The following BIRC3 variants were observed in gnomAD, a reference collection of about 807,000 sequenced individuals.
BIRC3 encodes baculoviral IAP repeat-containing protein 3.
In BIRC3, 26 loss-of-function variants were observed where a neutral mutation model predicts 59.0. The ratio of observed to expected loss-of-function variants is 0.44; its 90% confidence interval spans 0.32 to 0.61. The LOEUF is 0.61. BIRC3 is among the 20% of genes least tolerant of loss of function. The probability of loss-of-function intolerance (pLI) is 0.04; values close to 1 mark genes in which losing one functional copy is unlikely to be tolerated. For missense variants in BIRC3, 641 were observed against 711.5 expected (o/e 0.90, Z 1.13); for synonymous variants, 243 against 249.2 (o/e 0.98, Z 0.24).
In BIRC3 at chr11:102,323,486, A is replaced by G. The variant is rs190101178; in HGVS notation, c.-1024A>G. ...CTTCAACAGCATGAAACTGAGTCCAAAAGACCAAATGAACAAACACATTAA... is the reference window on the plus strand; with the variant it reads ...CTTCAACAGCATGAAACTGAGTCCAGAAGACCAAATGAACAAACACATTAA... On this transcript the variant is annotated 5_prime_UTR_variant, in exon 2 of 9. Transcript: ENST00000263464. 3.9e-3 allele frequency: 736 copies of G among 188,606 alleles called. 6 individuals are homozygous for G. Among genetic ancestry groups the G allele is most frequent in the Non-Finnish European group, 3.8e-3 (343 of 89,568 alleles). 11.7% of individuals were successfully genotyped at this position (188,606 alleles called of 1,614,324 possible).
At chr11:102,320,021 G>C (rs117083530) in intron 1 of BIRC3, 30 of 151,818 alleles carry the variant, frequency 2.0e-4, no homozygotes, top group African/African-American at 7.0e-4. Context: ...GTGCCACCAC[G>C]CCCGATGGTT....
intron 3 of BIRC3, 145 bp from the exon 4 acceptor site, chr11:102,327,907 A>G: frequency 1.7e-6 from 1 of 599,674 alleles, no homozygotes; most frequent in Non-Finnish European, 2.8e-6. Flanking sequence ...AGTTTAGAAT[A>G]AATGATCTTA....
In BIRC3 at chr11:102,324,795, G is replaced by C; in HGVS notation, c.286G>C (p.Val96Leu). ...AAAGTTGTATCCTAGCTGCAGATTC[G>C]TTCAGAGTCTAAATTCCGTTAACAA... Reference protein sequence around the residue: ...HKKLYPSCRFVQSLNSVNNLE... With the variant: ...HKKLYPSCRFLQSLNSVNNLE... Residue 96 changes from valine to leucine, a missense_variant, in exon 2 of 9, where the codon GTT becomes CTT. Transcript: ENST00000263464. The C allele has an allele frequency of 6.2e-7, 1 of 1,614,122 alleles. No individual in the cohort carries two copies. Among genetic ancestry groups the C allele is most frequent in the South Asian group, 1.1e-5 (1 of 91,080 alleles).
intron 3 of BIRC3, among the ~76,000 whole-genome samples, chr11:102,327,531 T>C (rs1288703594): frequency 3.3e-5 from 5 of 151,864 alleles, no homozygotes; most frequent in Non-Finnish European, 5.9e-5. Context: ...GCTCAGCTAC[T>C]CGGGAGGCTG....
In BIRC3 at chr11:102,328,758, A is replaced by T. The variant is rs952662914; in HGVS notation, c.1033-139A>T. ...ATGAAATATTGCTTTTGGTTAAAAA[A>T]TTATTTTGCCAGTAAGCAAGTGGTT... is the stretch of plus-strand genomic sequence containing the variant. On this transcript the variant is annotated intron_variant, in intron 4 of 8. Transcript: ENST00000263464. The T allele has an allele frequency of 2.0e-3, 532 of 264,966 alleles. 3 individuals carry two copies. Among genetic ancestry groups the T allele is most frequent in the African/African-American group, 0.011 (499 of 44,042 alleles). 16.4% of individuals were successfully genotyped at this position (264,966 alleles called of 1,614,324 possible). A position where few individuals can be genotyped will look rare whatever the true frequency, so the allele number is the denominator to read the frequency against.
chr11:102,327,659 A>G (rs952231075), intron 3 of BIRC3, among the ~76,000 whole-genome samples: 16 of 152,240 alleles, frequency 1.1e-4, no homozygotes, highest in Middle Eastern at 3.4e-3. Flanking sequence ...AAATTAGCAG[A>G]AGCATAATGT....
At position 102,331,070 on chromosome 11, in the gene BIRC3, G is replaced by T. The variant is rs750500487; in HGVS notation, c.1153G>T (p.Ala385Ser). ...IMMNTPVINAAVEMGFSRSLV... is the reference protein window; with the variant it reads ...IMMNTPVINASVEMGFSRSLV... ...GATGAATACTCCTGTGATTAATGCT[G>T]CCGTGGAAATGGGCTTTAGTAGAAG... is the stretch of plus-strand genomic sequence containing the variant. The change falls in exon 6 of 9, where the codon GCC (alanine) becomes TCC (serine). Residue 385 changes from alanine to serine, a missense_variant. Physicochemically the swap from Ala to Ser is moderately conservative, Grantham distance 99. Around this residue, in one of 4 missense-constraint regions of BIRC3, gnomAD observed 268 missense variants for 255.7 expected, o/e 1.05. Transcript: ENST00000263464. 1 of 1,613,834 alleles carries T rather than the reference G, an allele frequency of 6.2e-7. No homozygotes were observed. The highest frequency in any genetic ancestry group is 1.7e-5 in the Admixed American group (1 of 59,992).
At chr11:102,327,652 T>A (rs1389949707) in intron 3 of BIRC3, among the ~76,000 whole-genome samples, 2 of 151,542 alleles carry the variant, frequency 1.3e-5, no homozygotes, top group African/African-American at 2.4e-5. Context: ...AAAAAAAAAA[T>A]TAGCAGAAGC....
Position 102,336,033 on chromosome 11 carries a change from C to T in BIRC3, c.1392C>T (p.Ile464=), listed in dbSNP as rs749144618. 1.2e-6 allele frequency: 2 copies of T among 1,613,384 alleles called. No individual in the cohort carries two copies. The highest frequency in any genetic ancestry group is 8.5e-7 in the Non-Finnish European group (1 of 1,179,598). Residue 464 remains isoleucine, a synonymous_variant, in exon 7 of 9, where the codon ATC becomes ATT. Transcript: ENST00000263464. ...AACATTTGACTTGTGTAATTCCAAT[C>T]CTGGATAGTCTACTAACTGCCGGAA... ...LFQHLTCVIP[I]LDSLLTAGII...
chr11:102,337,472 T>A lies in BIRC3; in HGVS notation c.*370T>A, dbSNP rs1951208813. 1 of 397,056 alleles carries A rather than the reference T, an allele frequency of 2.5e-6. No individual in the cohort carries two copies. The allele number at this position is 397,056 out of a possible 1,614,324, so 24.6% of individuals were successfully genotyped here. On this transcript the variant is annotated 3_prime_UTR_variant, in exon 9 of 9. Transcript: ENST00000263464. ...GGGAACATGAAGCCAGGTGTGGTGG[T>A]ATGTGCCTGTAGTCCCAGGCTGAGG...
At chr11:102,335,066 C>A (rs1458202852) in intron 6 of BIRC3, among the ~76,000 whole-genome samples, 1 of 152,068 alleles carries the variant, frequency 6.6e-6, no homozygotes, top group Non-Finnish European at 1.5e-5. Flanking sequence ...CATGGTGAAA[C>A]CTCATCTCTA....
Position 102,331,239 on chromosome 11 carries a change from C to A in BIRC3, c.1322C>A (p.Ser441Ter). Residue 441 changes from serine (S) to a stop codon, truncating the protein, a stop_gained and splice_region_variant, in exon 6 of 9, where the codon TCA (serine) becomes TAA (stop). Coordinates refer to ENST00000263464, the MANE Select transcript of BIRC3 (RefSeq NM_001165.5). LOFTEE classifies it high-confidence loss of function. ...GAAAGAGCAACTGAGGAAAAAGAAT[C>A]AAGTATGTAGATTTATTAATACAGT... is the stretch of plus-strand genomic sequence containing the variant. ...ERERATEEKE[S>*]NDLLLIRKNR... is the part of the protein sequence containing the mutation. 1 of 1,605,870 alleles carries A rather than the reference C, an allele frequency of 6.2e-7. No individual in the cohort carries two copies. The highest frequency in any genetic ancestry group is 1.1e-5 in the South Asian group (1 of 89,628).
intron 5 of BIRC3, among the ~76,000 whole-genome samples, chr11:102,330,533 G>A (rs1291263150): frequency 6.6e-6 from 1 of 152,206 alleles, no homozygotes; most frequent in Admixed American, 6.5e-5. Flanking sequence ...AATTTAAGAA[G>A]TGTGACACAT....
chr11:102,332,860 T>C (rs1951158213), intron 6 of BIRC3, among the ~76,000 whole-genome samples: 1 of 152,194 alleles, frequency 6.6e-6, no homozygotes, highest in African/African-American at 2.4e-5. Context: ...CTGTGAAGAT[T>C]AGGCAAGCAT....
chr11:102,336,155 T>C lies in BIRC3; in HGVS notation c.1514T>C (p.Ile505Thr). 1.9e-6 allele frequency: 3 copies of C among 1,613,904 alleles called. No homozygotes were observed. Among genetic ancestry groups the C allele is most frequent in the Non-Finnish European group, 2.5e-6 (3 of 1,179,906 alleles). ...GATACGATTTTAGTAAAAGGAAATA[T>C]TGCAGCCACTGTATTCAGAAACTCT... is the stretch of plus-strand genomic sequence containing the variant. Reference protein sequence around the residue: ...LIDTILVKGNIAATVFRNSLQ... With the variant: ...LIDTILVKGNTAATVFRNSLQ... Residue 505 changes from isoleucine to threonine, a missense_variant, in exon 7 of 9, where the codon ATT becomes ACT. Coordinates refer to ENST00000263464, the MANE Select transcript of BIRC3 (RefSeq NM_001165.5).
At chr11:102,329,161 G>T (rs1194517680) in intron 5 of BIRC3, among the ~76,000 whole-genome samples, 1 of 152,146 alleles carries the variant, frequency 6.6e-6, no homozygotes, top group Non-Finnish European at 1.5e-5. Context: ...TTCTACTTCA[G>T]ACCTACTGAA....
chr11:102,327,534 G>A (rs1248921258), intron 3 of BIRC3, among the ~76,000 whole-genome samples: 1 of 152,036 alleles, frequency 6.6e-6, no homozygotes, highest in Non-Finnish European at 1.5e-5. Context: ...CAGCTACTCG[G>A]GAGGCTGAGG....
intron 6 of BIRC3, among the ~76,000 whole-genome samples, chr11:102,335,419 T>G (rs1230595532): frequency 6.6e-6 from 1 of 152,240 alleles, no homozygotes; most frequent in Non-Finnish European, 1.5e-5. Flanking sequence ...GCCAAATGAT[T>G]GAAAGCACAG....
chr11:102,330,756 TC>T (rs1951129933), intron 5 of BIRC3, among the ~76,000 whole-genome samples: 1 of 152,220 alleles, frequency 6.6e-6, no homozygotes, highest in Non-Finnish European at 1.5e-5. Context: ...CATATGTATA[TC>T]CAGTTATGAC....
Sources: allele counts gnomAD v4.1 joint callset (sites outside exome capture counted in the v4.1 genomes callset), GRCh38; gene constraint gnomAD v4.1.1; regional missense constraint gnomAD v4.1.1; transcripts MANE v1.5; gene names NCBI Gene and HGNC (gene_info 2026-07-23, HGNC 2026-07-21).